RELN: variants seen among roughly 807,000 people sequenced by gnomAD.
RELN encodes reelin.
A neutral mutation model predicts 427.6 loss-of-function variants in RELN; 108 were observed. The ratio of observed to expected loss-of-function variants is 0.25; its 90% CI spans 0.22 to 0.30. The LOEUF (loss-of-function observed/expected upper bound fraction) is 0.30, where lower values mean the gene tolerates loss of function less well. Among genes scored for constraint, RELN ranks in the 10% least tolerant of loss-of-function variants. The probability of loss-of-function intolerance (pLI) is 1.00; values close to 1 mark genes in which losing one functional copy is unlikely to be tolerated. For missense variants in RELN, 3,715 were observed against 4,302.8 expected (o/e 0.86, Z 3.82); for synonymous variants, 1,524 against 1,513.4 (o/e 1.01, Z -0.16).
At chr7:103,942,598 A>G (rs1293327203) in intron 1 of RELN, among the ~76,000 whole-genome samples, 2 of 152,188 alleles carry the variant, frequency 1.3e-5, no homozygotes, top group Non-Finnish European at 2.9e-5. Context: ...GACCCAGGGA[A>G]GATGGATGTT....
chr7:103,614,703 C>T (rs1664884279), intron 20 of RELN, among the ~76,000 whole-genome samples: 1 of 152,182 alleles, frequency 6.6e-6, no homozygotes, highest in African/African-American at 2.4e-5. Flanking sequence ...TCATCTATGT[C>T]ATGGTCAGTC....
In RELN at chr7:103,822,635, C is replaced by CAATTGAAATACTAGAAATACGTA. The variant is rs1398617439; in HGVS notation, c.473+10901_473+10902insTACGTATTTCTAGTATTTCAATT. Among the ~76,000 whole-genome samples, 12 of 51,472 alleles carry CAATTGAAATACTAGAAATACGTA rather than the reference C, an allele frequency of 2.3e-4. 1 individual carries two copies. Among genetic ancestry groups the CAATTGAAATACTAGAAATACGTA allele is most frequent in the African/African-American group, 4.9e-4 (9 of 18,300 alleles). The allele number at this position is 51,472 out of a possible 152,430, so 33.8% of individuals were successfully genotyped here. On this transcript the variant is annotated intron_variant, in intron 3 of 64. Transcript: ENST00000428762. ...ACCAATGTTTAAAGAATTACTTTGG[C>CAATTGAAATACTAGAAATACGTA]CGGGCGCGGTGGCTCACGCCTGTAA...
chr7:103,593,913 G>A (rs774691362), intron 26 of RELN, 31 bp from the exon 27 acceptor site: 12 of 1,517,736 alleles, frequency 7.9e-6, no homozygotes, highest in South Asian at 6.7e-5. Context: ...AAAACAAAAG[G>A]CAATTTGATA....
At chr7:103,548,220 T>G (rs746886913) in intron 41 of RELN, among the ~76,000 whole-genome samples, 1 of 152,244 alleles carries the variant, frequency 6.6e-6, no homozygotes, top group Non-Finnish European at 1.5e-5. Context: ...GGACTATATA[T>G]GTAGAAGGAA....
Position 103,481,199 on chromosome 7 carries a change from T to G in RELN, c.10280+1674A>C, listed in dbSNP as rs531660788. On this transcript the variant is annotated intron_variant, in intron 63 of 64. Transcript: ENST00000428762. ...TTTAATCTTAGTATAAGTGAGGAAA[T>G]TACTGGTGATGATATGTCTCTGAAA... Among the ~76,000 whole-genome samples, 11 of 152,304 alleles carry G rather than the reference T, an allele frequency of 7.2e-5. No homozygotes were observed. The South Asian group carries it at 2.3e-3, about 32-fold the overall frequency.
At chr7:103,898,862 A>C (rs758893925) in intron 2 of RELN, among the ~76,000 whole-genome samples, 18 of 152,058 alleles carry the variant, frequency 1.2e-4, no homozygotes, top group Non-Finnish European at 2.1e-4. Flanking sequence ...TACACAAGCA[A>C]TTGTTCTTCA....
intron 12 of RELN, among the ~76,000 whole-genome samples, chr7:103,657,184 G>T (rs987509212): frequency 6.6e-6 from 1 of 152,080 alleles, no homozygotes; most frequent in Admixed American, 6.6e-5. Context: ...AATGTTTACT[G>T]TTCAACAACC....
At chr7:103,918,066 G>T (rs544111497) in intron 1 of RELN, among the ~76,000 whole-genome samples, 6 of 152,202 alleles carry the variant, frequency 3.9e-5, no homozygotes, top group African/African-American at 1.2e-4. Context: ...TAAGGAGAAT[G>T]ACCAGAGTCA....
intron 4 of RELN, among the ~76,000 whole-genome samples, chr7:103,767,666 G>C (rs1361371061): frequency 6.6e-6 from 1 of 152,108 alleles, no homozygotes. Flanking sequence ...CAAGTTTTTA[G>C]TCTATTCTGA....
At chr7:103,793,218 C>T (rs1292501430) in intron 3 of RELN, among the ~76,000 whole-genome samples, 1 of 152,136 alleles carries the variant, frequency 6.6e-6, no homozygotes, top group Non-Finnish European at 1.5e-5. Flanking sequence ...AAAGAAAACA[C>T]ATTAAATTAT....
At chr7:103,784,382 A>G (rs1791966314) in intron 3 of RELN, among the ~76,000 whole-genome samples, 1 of 152,188 alleles carries the variant, frequency 6.6e-6, no homozygotes, top group African/African-American at 2.4e-5. Flanking sequence ...CGTCAGTAAG[A>G]GGTGAAATCC....
At chr7:103,848,247 A>C (rs1793729118) in intron 2 of RELN, among the ~76,000 whole-genome samples, 1 of 152,230 alleles carries the variant, frequency 6.6e-6, no homozygotes, top group Admixed American at 6.5e-5. Flanking sequence ...GTTTGAGAGC[A>C]GGAGAAACAC....
intron 2 of RELN, among the ~76,000 whole-genome samples, chr7:103,899,408 T>C (rs898801045): frequency 3.3e-5 from 5 of 151,960 alleles, no homozygotes; most frequent in African/African-American, 1.2e-4. Flanking sequence ...TGCCGAACAT[T>C]AGAAAAAGAA....
chr7:103,866,882 T>C (rs1011436827), intron 2 of RELN, among the ~76,000 whole-genome samples: 48 of 152,056 alleles, frequency 3.2e-4, no homozygotes, highest in African/African-American at 1.1e-3. Flanking sequence ...CTGACATACA[T>C]ACTCTAGAGA....
At chr7:103,704,088 G>A (rs930942505) in intron 8 of RELN, among the ~76,000 whole-genome samples, 8 of 152,154 alleles carry the variant, frequency 5.3e-5, no homozygotes, top group African/African-American at 1.9e-4. Context: ...AAGAAATGAT[G>A]TTTTTTGTGA....
At position 103,911,331 on chromosome 7, in the gene RELN, A is replaced by G. The variant is rs1254696339; in HGVS notation, c.337+5744T>C. 1.8e-4 allele frequency among the ~76,000 whole-genome samples: 27 copies of G among 150,674 alleles called. No individual in the cohort carries two copies. The East Asian group carries it at 4.8e-3, about 27-fold the overall frequency. ...ACCATCTCACACCAGTGAGAATGGC[A>G]ATCATTAAAAAGTCAGGAAACAACA... On this transcript the variant is annotated intron_variant, in intron 2 of 64. Transcript: ENST00000428762.
rs922737779 is a variant in RELN at position 103,620,677 on chromosome 7, T to A, written c.2703-8874A>T. On this transcript the variant is annotated intron_variant, in intron 20 of 64. Coordinates refer to ENST00000428762, the MANE Select transcript of RELN (RefSeq NM_005045.4). This position sits in a 1 kb window ranked among gnomAD's most constrained non-coding sequence, Gnocchi z 4.1. ...TTAGTAGAGATGAGGTTCCATCATG[T>A]TGGCCAGGCTGGTCTTGAACTCCTG... 6.6e-6 allele frequency among the ~76,000 whole-genome samples: 1 copy of A among 152,158 alleles called. No individual in the cohort carries two copies. The highest frequency in any genetic ancestry group is 1.5e-5 in the Non-Finnish European group (1 of 68,028).
intron 2 of RELN, among the ~76,000 whole-genome samples, chr7:103,868,561 G>A (rs946348656): frequency 1.3e-5 from 2 of 151,994 alleles, no homozygotes; most frequent in African/African-American, 4.8e-5. Context: ...GGGAAAGTCT[G>A]TCCATCCAGA....
At chr7:103,742,336 G>A (rs1324461899) in intron 6 of RELN, among the ~76,000 whole-genome samples, 9 of 152,252 alleles carry the variant, frequency 5.9e-5, no homozygotes, top group East Asian at 1.9e-4. Flanking sequence ...CAGAAAAACC[G>A]GAAACTCTAA....
Sources: gnomAD v4.1 joint callset for allele counts (sites outside exome capture counted in the v4.1 genomes callset) on GRCh38, gnomAD v4.1.1 for gene constraint, Gnocchi (gnomAD v3.1) non-coding constraint, MANE v1.5 for transcripts, NCBI Gene and HGNC (gene_info 2026-07-23, HGNC 2026-07-21) for gene names.